Variants in DIAPH3 observed in about 807,000 individuals in gnomAD.
The protein encoded by DIAPH3 is diaphanous related formin 3, also known as protein diaphanous homolog 3.
A neutral mutation model predicts 144.3 loss-of-function variants in DIAPH3; 117 were observed. The observed-to-expected ratio is 0.81, with a 90% CI of 0.70 to 0.95. The LOEUF (loss-of-function observed/expected upper bound fraction) is 0.95. Among genes scored for constraint, DIAPH3 ranks in the 40% least tolerant of loss-of-function variants. The probability of loss-of-function intolerance (pLI) is 0.00; values close to 1 mark genes in which losing one functional copy is unlikely to be tolerated. For synonymous variants in DIAPH3, 519 were observed against 488.9 expected, an observed-to-expected ratio of 1.06 and a Z score of -0.81; for missense variants, 1,421 against 1,412.7, an observed-to-expected ratio of 1.01 and a Z score of -0.09.
intron 24 of DIAPH3, among the ~76,000 whole-genome samples, chr13:59,811,664 G>C (rs1464995440): frequency 1.3e-5 from 2 of 149,108 alleles, no homozygotes; most frequent in East Asian, 2.0e-4. Context: ...GTGAACCCAG[G>C]AGGCAGAGCT....
intron 4 of DIAPH3, among the ~76,000 whole-genome samples, chr13:60,075,343 T>C (rs2057345618): frequency 1.3e-5 from 2 of 152,232 alleles, no homozygotes; most frequent in Admixed American, 1.3e-4. Context: ...GCAAACGTTT[T>C]CTTCCAGCTT....
intron 27 of DIAPH3, among the ~76,000 whole-genome samples, chr13:59,690,046 T>C (rs1325995300): frequency 6.6e-6 from 1 of 152,102 alleles, no homozygotes; most frequent in African/African-American, 2.4e-5. Flanking sequence ...TCATGTGTTT[T>C]CGACTTGCTC....
At chr13:60,081,168 G>A (rs926075284) in intron 4 of DIAPH3, among the ~76,000 whole-genome samples, 1 of 151,886 alleles carries the variant, frequency 6.6e-6, no homozygotes, top group African/African-American at 2.4e-5. Flanking sequence ...TAGTACTGAA[G>A]GGCAGTCTGA....
At chr13:59,946,203 A>T (rs1250570726) in intron 17 of DIAPH3, among the ~76,000 whole-genome samples, 1 of 152,168 alleles carries the variant, frequency 6.6e-6, no homozygotes, top group African/African-American at 2.4e-5. Flanking sequence ...ATGATTGAAC[A>T]ATCTTCCACT....
chr13:59,810,565 G>C (rs2040421505), intron 25 of DIAPH3, among the ~76,000 whole-genome samples: 1 of 152,150 alleles, frequency 6.6e-6, no homozygotes, highest in Non-Finnish European at 1.5e-5. Flanking sequence ...CAGCATAACA[G>C]AGGACCAAAT....
chr13:59,949,067 G>A (rs980012686), intron 17 of DIAPH3, among the ~76,000 whole-genome samples: 4 of 152,020 alleles, frequency 2.6e-5, no homozygotes, highest in Non-Finnish European at 4.4e-5. Context: ...CAGGAAGAAG[G>A]AACAAAAAAC....
chr13:60,019,083 TC>T (rs2141008234), intron 5 of DIAPH3, among the ~76,000 whole-genome samples: 1 of 152,212 alleles, frequency 6.6e-6, no homozygotes, highest in East Asian at 1.9e-4. Flanking sequence ...ACTTCCTATT[TC>T]CACTGGAAAA....
chr13:59,741,688 G>A (rs2036459061), intron 27 of DIAPH3, among the ~76,000 whole-genome samples: 1 of 147,712 alleles, frequency 6.8e-6, no homozygotes, highest in African/African-American at 2.5e-5. Flanking sequence ...CTGCCTTCCA[G>A]CCTGGGCAAC....
chr13:59,675,728 G>A, intron 27 of DIAPH3, among the ~76,000 whole-genome samples: 1 of 152,230 alleles, frequency 6.6e-6, no homozygotes, highest in African/African-American at 2.4e-5. Context: ...AGAAGTCCAT[G>A]AACTGCCAAG....
chr13:59,736,001 A>G (rs2036133119), intron 27 of DIAPH3, among the ~76,000 whole-genome samples: 1 of 152,058 alleles, frequency 6.6e-6, no homozygotes, highest in African/African-American at 2.4e-5. Flanking sequence ...TCCATGTGTT[A>G]TCATCATTTA....
At chr13:60,057,003 CA>C (rs2056584755) in intron 4 of DIAPH3, among the ~76,000 whole-genome samples, 2 of 151,770 alleles carry the variant, frequency 1.3e-5, no homozygotes, top group African/African-American at 2.4e-5. Flanking sequence ...TTGAACAAGG[CA>C]AGGATGCTCA....
chr13:59,788,937 C>A (rs1409749937), intron 25 of DIAPH3, among the ~76,000 whole-genome samples: 1 of 152,134 alleles, frequency 6.6e-6, no homozygotes, highest in Non-Finnish European at 1.5e-5. Context: ...AAATGTCTTG[C>A]ATGTAAGTAT....
At chr13:59,997,885 A>C (rs1049768093) in intron 9 of DIAPH3, among the ~76,000 whole-genome samples, 6 of 152,088 alleles carry the variant, frequency 3.9e-5, no homozygotes, top group Non-Finnish European at 5.9e-5. Flanking sequence ...TCAGGAGCTA[A>C]ATCCAGATTG....
chr13:59,680,340 A>G (rs1168950853), intron 27 of DIAPH3, among the ~76,000 whole-genome samples: 1 of 152,230 alleles, frequency 6.6e-6, no homozygotes, highest in Admixed American at 6.5e-5. Context: ...TAGAATGCCT[A>G]TTAAAAAAAT....
chr13:59,957,779 A>C (rs2049494485), intron 17 of DIAPH3, among the ~76,000 whole-genome samples: 1 of 152,234 alleles, frequency 6.6e-6, no homozygotes, highest in African/African-American at 2.4e-5. Context: ...CTAACTTTAA[A>C]ATAGAAAAAC....
At chr13:59,839,600 A>C in intron 22 of DIAPH3, 152 bp from the exon 23 acceptor site, 1 of 768,136 alleles carries the variant, frequency 1.3e-6, no homozygotes, top group Non-Finnish European at 1.9e-6. Flanking sequence ...TTAACCTTTC[A>C]ATTTAAAATC....
chr13:59,844,477 C>A (rs2042520249), intron 22 of DIAPH3, among the ~76,000 whole-genome samples: 2 of 145,552 alleles, frequency 1.4e-5, no homozygotes, highest in African/African-American at 5.1e-5. Context: ...GCACTCCAGC[C>A]TGGGTGACGG....
intron 14 of DIAPH3, among the ~76,000 whole-genome samples, chr13:59,980,236 T>G (rs570300807): frequency 6.6e-6 from 1 of 151,684 alleles, no homozygotes; most frequent in Non-Finnish European, 1.5e-5. Flanking sequence ...GGCAATTTTA[T>G]AAAGTTCAAC....
At chr13:59,881,007 GA>G (rs2044997582) in intron 20 of DIAPH3, among the ~76,000 whole-genome samples, 1 of 134,738 alleles carries the variant, frequency 7.4e-6, no homozygotes, top group Non-Finnish European at 1.6e-5. Flanking sequence ...AGAAGAAGAA[GA>G]AATATCATTA....
Sources: gnomAD v4.1 joint callset for allele counts (sites outside exome capture counted in the v4.1 genomes callset) on GRCh38, gnomAD v4.1.1 for gene constraint, MANE v1.5 for transcripts, NCBI Gene and HGNC (gene_info 2026-07-23, HGNC 2026-07-21) for gene names.